Variants in KANK1 observed in about 807,000 individuals in gnomAD.
KANK1 encodes KN motif and ankyrin repeat domain-containing protein 1.
KANK1 carries 109 observed loss-of-function variants against 106.2 expected under a neutral mutation model. The observed-to-expected ratio is 1.03, with a 90% CI of 0.88 to 1.20. The LOEUF is 1.20. KANK1 is among the 50% of genes most tolerant of loss of function. The probability of loss-of-function intolerance (pLI) is 0.00; values close to 1 mark genes in which losing one functional copy is unlikely to be tolerated. For missense variants in KANK1, 2,399 were observed against 1,710.7 expected, an observed-to-expected ratio of 1.40 and a Z score of -7.10; for synonymous variants, 873 against 652.2, an observed-to-expected ratio of 1.34 and a Z score of -5.16.
chr9:612,387 T>C (rs1830771167), intron 1 of KANK1, among the ~76,000 whole-genome samples: 1 of 152,178 alleles, frequency 6.6e-6, no homozygotes, highest in Non-Finnish European at 1.5e-5. Flanking sequence ...ATGAATGTAG[T>C]TCAACAGTAT....
At chr9:505,064 G>A (rs891436399) in intron 1 of KANK1, among the ~76,000 whole-genome samples, 4 of 151,938 alleles carry the variant, frequency 2.6e-5, no homozygotes, top group African/African-American at 9.7e-5. Flanking sequence ...GGCGCGCCGG[G>A]CACGGAGCAG....
intron 1 of KANK1, among the ~76,000 whole-genome samples, chr9:628,251 G>C (rs1834828989): frequency 6.6e-6 from 1 of 152,120 alleles, no homozygotes; most frequent in South Asian, 2.1e-4. Context: ...AGTCTTGATT[G>C]ACTCTGCCTG....
intron 1 of KANK1, among the ~76,000 whole-genome samples, chr9:661,955 C>T (rs1444105032): frequency 6.6e-6 from 1 of 152,116 alleles, no homozygotes; most frequent in Non-Finnish European, 1.5e-5. Flanking sequence ...GTCCTTCGCC[C>T]ACTTTTTGAT....
chr9:609,614 G>A (rs1391726553), intron 1 of KANK1, among the ~76,000 whole-genome samples: 1 of 152,092 alleles, frequency 6.6e-6, no homozygotes, highest in African/African-American at 2.4e-5. Context: ...TGGGTGACAA[G>A]AGTGAGACGC....
chr9:646,235 G>T (rs1216386610), intron 1 of KANK1, among the ~76,000 whole-genome samples: 1 of 150,902 alleles, frequency 6.6e-6, no homozygotes, highest in Non-Finnish European at 1.5e-5. Context: ...GCCCATGCCT[G>T]TAATCTCAGC....
intron 2 of KANK1, chr9:707,263 G>A (rs550764193): frequency 9.2e-4 from 904 of 981,102 alleles, no homozygotes; most frequent in Non-Finnish European, 1.0e-3. Flanking sequence ...TGAGCTGCGA[G>A]CGGCGTGGGG....
chr9:471,716 T>A (rs781270842), intron 2 of KANK1: 1 of 152,294 alleles, frequency 6.6e-6, no homozygotes, highest in East Asian at 1.9e-4. Context: ...CTAGGCAACA[T>A]AGCAAGACCT....
At chr9:640,505 C>G (rs941440324) in intron 1 of KANK1, among the ~76,000 whole-genome samples, 1 of 151,750 alleles carries the variant, frequency 6.6e-6, no homozygotes, top group African/African-American at 2.4e-5. Flanking sequence ...TCAAGTGATT[C>G]TTCCACCTCA....
At chr9:488,889 T>C (rs561427732) in intron 3 of KANK1, 96 of 149,428 alleles carry the variant, frequency 6.4e-4, no homozygotes, top group African/African-American at 2.4e-3. Flanking sequence ...AGTTGAAAAA[T>C]TATGGTCAGT....
At chr9:546,326 T>A (rs1278988359) in intron 1 of KANK1, among the ~76,000 whole-genome samples, 1 of 151,994 alleles carries the variant, frequency 6.6e-6, no homozygotes, top group Admixed American at 6.6e-5. Flanking sequence ...GCTACTGTCA[T>A]CTAGTGTGTA....
chr9:535,968 A>G (rs929703169), intron 1 of KANK1, among the ~76,000 whole-genome samples: 3 of 152,238 alleles, frequency 2.0e-5, no homozygotes, highest in Non-Finnish European at 4.4e-5. Flanking sequence ...ATTTGTTATA[A>G]CAGCACCCCA....
intron 1 of KANK1, among the ~76,000 whole-genome samples, chr9:640,985 C>G (rs752428427): frequency 6.6e-6 from 1 of 152,152 alleles, no homozygotes; most frequent in African/African-American, 2.4e-5. Flanking sequence ...CGTGAGCCAC[C>G]GCGCCTGGCC....
intron 1 of KANK1, among the ~76,000 whole-genome samples, chr9:670,949 G>GTTTTTTTTT (rs5895857): frequency 8.7e-5 from 9 of 103,106 alleles, no homozygotes; most frequent in African/African-American, 2.6e-4. Context: ...GTCTGCTGGA[G>GTTTTTTTTT]TTTTTTTTTT....
rs1385088149 is a variant in KANK1 at position 580,099 on chromosome 9, GT to G, written c.-84+75348del. Among the ~76,000 whole-genome samples the G allele has an allele frequency of 3.9e-5, 6 of 152,258 alleles. No individual in the cohort carries two copies. In the East Asian group the frequency reaches 1.2e-3, roughly 29 times the overall value. On this transcript the variant is annotated intron_variant, in intron 1 of 11. Coordinates refer to ENST00000382297, the MANE Select transcript of KANK1 (RefSeq NM_015158.5). ...CTTCTGATGTTCGTACGTGTTCAGA[GT>G]TTCTTCATTCTGGTAGGTTCGTGGT...
intron 1 of KANK1, among the ~76,000 whole-genome samples, chr9:612,564 G>A (rs1017980898): frequency 5.3e-5 from 8 of 152,002 alleles, no homozygotes; most frequent in African/African-American, 9.7e-5. Context: ...TGTTAAAAAC[G>A]TTTCATATTA....
intron 1 of KANK1, among the ~76,000 whole-genome samples, chr9:668,261 A>G (rs1235131476): frequency 2.0e-5 from 3 of 152,112 alleles, no homozygotes; most frequent in Non-Finnish European, 4.4e-5. Flanking sequence ...GTTTGATACA[A>G]TGGTTTCTTT....
At chr9:489,688 G>T (rs1387354031) in intron 3 of KANK1, among the ~76,000 whole-genome samples, 1 of 152,136 alleles carries the variant, frequency 6.6e-6, no homozygotes. Context: ...GATAATAGAG[G>T]TAAGATGCCC....
rs190882439 is a variant in KANK1, at chr9:735,166, C to T, written c.3333+331C>T. 3.3e-5 allele frequency among the ~76,000 whole-genome samples: 5 copies of T among 152,276 alleles called. No homozygotes were observed. The East Asian group carries it at 9.6e-4, about 29-fold the overall frequency. ...ACATATTTCATTTCTATTTATAGAA[C>T]AGTAAGATCCAGGGAGCAGCATCCA... On this transcript the variant is annotated intron_variant, in intron 7 of 11. Coordinates refer to ENST00000382297, the MANE Select transcript of KANK1 (RefSeq NM_015158.5).
intron 1 of KANK1, among the ~76,000 whole-genome samples, chr9:564,462 A>G (rs192621202): frequency 6.6e-6 from 1 of 152,128 alleles, no homozygotes; most frequent in Non-Finnish European, 1.5e-5. Context: ...CAACGTAGAC[A>G]CCTAGTTATA....
Sources: gnomAD v4.1 joint callset for allele counts (sites outside exome capture counted in the v4.1 genomes callset) on GRCh38, gnomAD v4.1.1 for gene constraint, MANE v1.5 for transcripts, NCBI Gene and HGNC (gene_info 2026-07-23, HGNC 2026-07-21) for gene names.